JMY: variants seen among roughly 807,000 people sequenced by gnomAD.
JMY encodes the protein junction mediating and regulatory protein, p53 cofactor, also known as junction-mediating and -regulatory protein.
Under a neutral mutation model 103.3 loss-of-function variants are expected in JMY, and 46 were observed. The ratio of observed to expected loss-of-function variants is 0.45; its 90% CI spans 0.35 to 0.57. The LOEUF (loss-of-function observed/expected upper bound fraction) is 0.57. Ranked by LOEUF, JMY falls within the 20% of genes least tolerant of loss-of-function variation. JMY has a pLI of 0.00. For missense variants in JMY, 1,238 were observed against 1,255.2 expected (o/e 0.99, Z 0.21); for synonymous variants, 526 against 489.3 (o/e 1.07, Z -0.99).
At chr5:79,249,063 T>C (rs1200822639) in intron 1 of JMY, among the ~76,000 whole-genome samples, 1 of 152,004 alleles carries the variant, frequency 6.6e-6, no homozygotes, top group South Asian at 2.1e-4. Flanking sequence ...GTGCCTGCCC[T>C]TTTTTTTCCC....
intron 1 of JMY, among the ~76,000 whole-genome samples, chr5:79,245,324 A>G (rs1446373000): frequency 6.6e-6 from 1 of 152,180 alleles, no homozygotes; most frequent in East Asian, 1.9e-4. Flanking sequence ...AGAAATTTTA[A>G]ATAAAATTGG....
chr5:79,319,838 C>T (rs1747392081), intron 10 of JMY, among the ~76,000 whole-genome samples: 1 of 152,124 alleles, frequency 6.6e-6, no homozygotes, highest in East Asian at 1.9e-4. Context: ...CTTCTGCCTC[C>T]CTAAGTGCTG....
At chr5:79,302,994 C>G (rs1746781758) in intron 6 of JMY, among the ~76,000 whole-genome samples, 1 of 152,102 alleles carries the variant, frequency 6.6e-6, no homozygotes, top group Admixed American at 6.5e-5. Flanking sequence ...TCTATCAACC[C>G]TCTGGTTTCT....
At position 79,237,080 on chromosome 5, in the gene JMY, G is replaced by T; in HGVS notation, c.430G>T (p.Val144Leu). Residue 144 changes from valine (V) to leucine (L), a missense_variant, in exon 1 of 11, where the codon GTG (valine) becomes TTG (leucine). Val to Leu is a conservative substitution (Grantham distance 32). Coordinates refer to ENST00000396137, the MANE Select transcript of JMY (RefSeq NM_152405.5). ...KGAESRLRSP[V>L]RAKPIPGQKT... is the part of the protein sequence containing the mutation. The stretch of plus-strand genomic sequence containing the variant: ...GGCGGAGAGTCGTCTTAGGAGCCCA[G>T]TGCGGGCCAAACCCATCCCGGGTCA... The T allele has an allele frequency of 6.5e-7, 1 of 1,543,266 alleles. No individual in the cohort carries two copies. The highest frequency in any genetic ancestry group is 8.8e-7 in the Non-Finnish European group (1 of 1,141,986).
At chr5:79,297,767 C>T (rs891511906) in intron 4 of JMY, among the ~76,000 whole-genome samples, 1 of 152,162 alleles carries the variant, frequency 6.6e-6, no homozygotes, top group Non-Finnish European at 1.5e-5. Context: ...GCTTGTCTGC[C>T]TCTGATGAGG....
intron 4 of JMY, among the ~76,000 whole-genome samples, chr5:79,298,608 T>A (rs1041135832): frequency 1.3e-5 from 2 of 152,238 alleles, no homozygotes; most frequent in Non-Finnish European, 2.9e-5. Flanking sequence ...CATAAAATAT[T>A]TCCTAACACA....
At chr5:79,285,037 C>T (rs896122238) in intron 2 of JMY, 5 of 628,844 alleles carry the variant, frequency 8.0e-6, no homozygotes, top group African/African-American at 7.3e-5. Context: ...GCCAGCTGGA[C>T]TATACTCATC....
At position 79,239,762 on chromosome 5, in the gene JMY, A is replaced by G. The variant is rs530038122; in HGVS notation, c.1032+2080A>G. 1.2e-3 allele frequency among the ~76,000 whole-genome samples: 183 copies of G among 151,494 alleles called. 1 individual carries two copies. Among genetic ancestry groups the G allele is most frequent in the African/African-American group, 3.8e-3 (156 of 41,390 alleles). ...GAGGCGTAGCTTGCAATGAGCTGAG[A>G]TCATGCCAGTGCACTCGAGCCTGGG... On this transcript the variant is annotated intron_variant, in intron 1 of 10. Coordinates refer to ENST00000396137, the MANE Select transcript of JMY (RefSeq NM_152405.5).
In JMY at chr5:79,291,256, A is replaced by G; in HGVS notation, c.1484A>G (p.Lys495Arg). Residue 495 changes from lysine to arginine, a missense_variant, in exon 4 of 11, where the codon AAA becomes AGA. Lys to Arg is a conservative substitution (Grantham distance 26, BLOSUM62 2). Coordinates refer to ENST00000396137, the MANE Select transcript of JMY (RefSeq NM_152405.5). Reference protein sequence around the residue: ...SKETLQMMRAKEICLEQRKHA... With the variant: ...SKETLQMMRAREICLEQRKHA... ...GAAACTTTGCAGATGATGAGAGCTAAAGAGATATGCTTGGAACAGCGGAAA... is the reference window on the plus strand; with the variant it reads ...GAAACTTTGCAGATGATGAGAGCTAGAGAGATATGCTTGGAACAGCGGAAA... 6.2e-7 allele frequency: 1 copy of G among 1,611,722 alleles called. No individual in the cohort carries two copies. The highest frequency in any genetic ancestry group is 8.5e-7 in the Non-Finnish European group (1 of 1,179,196).
chr5:79,256,031 T>C (rs1745233920), intron 1 of JMY, among the ~76,000 whole-genome samples: 1 of 152,228 alleles, frequency 6.6e-6, no homozygotes, highest in African/African-American at 2.4e-5. Flanking sequence ...GAGGGAAGAA[T>C]TCCCCCAGGT....
intron 1 of JMY, among the ~76,000 whole-genome samples, chr5:79,276,550 C>T (rs112267936): frequency 0.013 from 1,952 of 152,294 alleles, 40 homozygotes; most frequent in African/African-American, 0.043. Flanking sequence ...CTCAGCCTCC[C>T]ATAGCTGGGA....
chr5:79,239,229 A>G (rs745514166), intron 1 of JMY, among the ~76,000 whole-genome samples: 4 of 152,186 alleles, frequency 2.6e-5, no homozygotes, highest in African/African-American at 7.2e-5. Context: ...CACCCACTAT[A>G]ACATGATCCT....
In JMY at chr5:79,314,868, T is replaced by C. The variant is rs1229894158; in HGVS notation, c.2659+17T>C. 6.5e-6 allele frequency: 10 copies of C among 1,532,858 alleles called. No individual in the cohort carries two copies. The highest frequency in any genetic ancestry group is 7.9e-6 in the Non-Finnish European group (9 of 1,141,512). 95.0% of individuals were successfully genotyped at this position (1,532,858 alleles called of 1,614,324 possible). A position where few individuals can be genotyped will look rare whatever the true frequency, so the allele number is the denominator to read the frequency against. ...GGAGGAGAGGTACGTCAACATATTT[T>C]CATGGTCCATCTGTTGTATGACATC... is the stretch of plus-strand genomic sequence containing the variant. On this transcript the variant is annotated intron_variant, in intron 9 of 10. Coordinates refer to ENST00000396137, the MANE Select transcript of JMY (RefSeq NM_152405.5).
At chr5:79,266,581 T>A (rs1282064853) in intron 1 of JMY, among the ~76,000 whole-genome samples, 1 of 152,228 alleles carries the variant, frequency 6.6e-6, no homozygotes, top group African/African-American at 2.4e-5. Context: ...ATCCTGTTTT[T>A]GTGTTGGGTA....
chr5:79,296,594 G>A lies in JMY; in HGVS notation c.1528-3559G>A, dbSNP rs1746570369. Among the ~76,000 whole-genome samples, 3 of 152,290 alleles carry A rather than the reference G, an allele frequency of 2.0e-5. No individual in the cohort carries two copies. In the South Asian group the frequency reaches 6.2e-4, roughly 32 times the overall value. Reference sequence around the variant, plus strand: ...ACTCCTGGGACTCAGAGTCCCTACTGTCTCAGCCTCCTAAGTCACTAGGAT... The same window carrying A: ...ACTCCTGGGACTCAGAGTCCCTACTATCTCAGCCTCCTAAGTCACTAGGAT... On this transcript the variant is annotated intron_variant, in intron 4 of 10. Coordinates refer to ENST00000396137, the MANE Select transcript of JMY (RefSeq NM_152405.5).
chr5:79,256,049 G>C (rs1225292519), intron 1 of JMY, among the ~76,000 whole-genome samples: 1 of 152,254 alleles, frequency 6.6e-6, no homozygotes, highest in Non-Finnish European at 1.5e-5. Flanking sequence ...GGTCCCTGAT[G>C]GGTCCTTTCT....
At chr5:79,263,884 G>A (rs1441584653) in intron 1 of JMY, among the ~76,000 whole-genome samples, 1 of 151,098 alleles carries the variant, frequency 6.6e-6, no homozygotes, top group African/African-American at 2.4e-5. Context: ...TGCAGTCTCC[G>A]CCTCCCAGGT....
At chr5:79,262,240 A>C (rs1003916601) in intron 1 of JMY, among the ~76,000 whole-genome samples, 2 of 152,336 alleles carry the variant, frequency 1.3e-5, no homozygotes, top group African/African-American at 4.8e-5. Context: ...CTGCATTTTA[A>C]ATTAAGGCCT....
chr5:79,315,850 G>A, intron 9 of JMY, 150 bp from the exon 10 acceptor site: 1 of 694,242 alleles, frequency 1.4e-6, no homozygotes, highest in East Asian at 2.5e-5. Flanking sequence ...CTTGTGTTCT[G>A]ATCACCTTCT....
Sources: gnomAD v4.1 joint callset for allele counts (sites outside exome capture counted in the v4.1 genomes callset) on GRCh38, gnomAD v4.1.1 for gene constraint, MANE v1.5 for transcripts, NCBI Gene and HGNC (gene_info 2026-07-23, HGNC 2026-07-21) for gene names.